Variants in ONECUT3 observed in about 807,000 individuals in gnomAD.
ONECUT3 encodes one cut homeobox 3.
A neutral mutation model predicts 16.8 loss-of-function variants in ONECUT3; 11 were observed. The ratio of observed to expected loss-of-function variants is 0.66; its 90% CI spans 0.41 to 1.09. The LOEUF is 1.09. Among genes scored for constraint, ONECUT3 ranks in the 50% least tolerant of loss-of-function variants. The pLI is 0.00. For synonymous variants in ONECUT3, 344 were observed against 310.7 expected, an observed-to-expected ratio of 1.11 and a Z score of -1.13; for missense variants, 637 against 629.9, an observed-to-expected ratio of 1.01 and a Z score of -0.12.
chr19:1,761,973 C>G (rs1038634951), intron 1 of ONECUT3, among the ~76,000 whole-genome samples: 4 of 152,154 alleles, frequency 2.6e-5, no homozygotes, highest in African/African-American at 9.7e-5. Context: ...CTGGCACAGG[C>G]TGCTGGAGAG....
chr19:1,765,302 G>A lies in ONECUT3; in HGVS notation c.1193-9851G>A, dbSNP rs564121673. On this transcript the variant is annotated intron_variant, in intron 1 of 1. Transcript: ENST00000382349. ...CCGTGCCGCCCCCAGCACTGCTGGC[G>A]TCCACTGGGATTCAGGGACCTTCCC... Among the ~76,000 whole-genome samples the A allele has an allele frequency of 3.5e-4, 53 of 152,222 alleles. 1 individual carries two copies. The highest frequency in any genetic ancestry group is 1.9e-4 in the East Asian group (1 of 5,172).
In ONECUT3 at chr19:1,755,300, G is replaced by A. The variant is rs1455268953; in HGVS notation, c.1192+446G>A. On this transcript the variant is annotated intron_variant, in intron 1 of 1. Transcript: ENST00000382349. This position sits in a 1 kb window ranked among gnomAD's most constrained non-coding sequence, Gnocchi z 7.5. ...CCTCCTCCAGAGTGGGTGGAGAGGG[G>A]CTGTTGAGCCCCCAGCCCCGGGCCA... Among the ~76,000 whole-genome samples, 3 of 152,230 alleles carry A rather than the reference G, an allele frequency of 2.0e-5. No homozygotes were observed. Among genetic ancestry groups the A allele is most frequent in the African/African-American group, 7.2e-5 (3 of 41,554 alleles).
At chr19:1,770,844 A>G (rs2068048190) in intron 1 of ONECUT3, among the ~76,000 whole-genome samples, 1 of 152,210 alleles carries the variant, frequency 6.6e-6, no homozygotes. Context: ...CCTTTCACAC[A>G]TAAAAGGCTC....
intron 1 of ONECUT3, 59 bp from the exon 2 acceptor site, chr19:1,775,094 G>A: frequency 8.3e-7 from 1 of 1,207,362 alleles, no homozygotes; most frequent in Non-Finnish European, 1.1e-6. Flanking sequence ...GCCTCTCCCC[G>A]GCCGGCCACA....
chr19:1,760,231 G>A (rs1192202469), intron 1 of ONECUT3, among the ~76,000 whole-genome samples: 1 of 152,252 alleles, frequency 6.6e-6, no homozygotes, highest in African/African-American at 2.4e-5. Context: ...CCGCTAGGAG[G>A]GGCCGTAACA....
rs1368423760 is a variant in ONECUT3, at chr19:1,754,032, T to C, written c.370T>C (p.Phe124Leu). 37 of 990,742 alleles carry C rather than the reference T, an allele frequency of 3.7e-5. No individual in the cohort carries two copies. Among genetic ancestry groups the C allele is most frequent in the Non-Finnish European group, 4.2e-5 (35 of 835,384 alleles). 61.4% of individuals were successfully genotyped at this position (990,742 alleles called of 1,614,324 possible). ...LPPLAAVADKFHQHAAAAAVA... is the reference protein window; with the variant it reads ...LPPLAAVADKLHQHAAAAAVA... ...GCCGCTCGCGGCCGTGGCCGACAAGTTCCACCAGCACGCGGCGGCCGCGGC... is the reference window on the plus strand; with the variant it reads ...GCCGCTCGCGGCCGTGGCCGACAAGCTCCACCAGCACGCGGCGGCCGCGGC... Residue 124 changes from phenylalanine (F) to leucine (L), a missense_variant, in exon 1 of 2, where the codon TTC (phenylalanine) becomes CTC (leucine). Transcript: ENST00000382349. The surrounding 1 kb of genome is among the most constrained non-coding windows in gnomAD (Gnocchi z 7.4).
intron 1 of ONECUT3, among the ~76,000 whole-genome samples, chr19:1,765,417 G>T (rs11883122): frequency 0.022 from 3,293 of 152,318 alleles, 131 homozygotes; most frequent in African/African-American, 0.074. Context: ...AGAGAGCCCA[G>T]TGGAGCCCGC....
rs1205036709 is a variant in ONECUT3 at position 1,766,321 on chromosome 19, G to A, written c.1193-8832G>A. Among the ~76,000 whole-genome samples, 2 of 152,198 alleles carry A rather than the reference G, an allele frequency of 1.3e-5. No homozygotes were observed. The highest frequency in any genetic ancestry group is 2.9e-5 in the Non-Finnish European group (2 of 68,040). On this transcript the variant is annotated intron_variant, in intron 1 of 1. Transcript: ENST00000382349. This position sits in a 1 kb window ranked among gnomAD's most constrained non-coding sequence, Gnocchi z 4.0. The stretch of plus-strand genomic sequence containing the variant: ...CTCAGCCCGCACGCGGCCAACGTCA[G>A]GCGCGCGCAGAGGCACCCACGGGCC...
In ONECUT3 at chr19:1,762,508, C is replaced by T. The variant is rs1352794570; in HGVS notation, c.1192+7654C>T. On this transcript the variant is annotated intron_variant, in intron 1 of 1. Transcript: ENST00000382349. The surrounding 1 kb of genome is among the most constrained non-coding windows in gnomAD (Gnocchi z 4.4). ...CCAGCAAACGCCGTCCCGCAGCACCCGGGAAGCTGCGGAGTCGGGCTGGGG... is the reference window on the plus strand; with the variant it reads ...CCAGCAAACGCCGTCCCGCAGCACCTGGGAAGCTGCGGAGTCGGGCTGGGG... Among the ~76,000 whole-genome samples the T allele has an allele frequency of 1.3e-5, 2 of 152,254 alleles. No individual in the cohort carries two copies. The highest frequency in any genetic ancestry group is 2.9e-5 in the Non-Finnish European group (2 of 68,036).
chr19:1,758,314 AAAGAGAGAGAG>A lies in ONECUT3; in HGVS notation c.1192+3462_1192+3472del, dbSNP rs1442596800. Among the ~76,000 whole-genome samples, 7 of 124,454 alleles carry A rather than the reference AAAGAGAGAGAG, an allele frequency of 5.6e-5. No homozygotes were observed. The highest frequency in any genetic ancestry group is 2.4e-4 in the East Asian group (1 of 4,086). The allele number at this position is 124,454 out of a possible 152,430, so 81.6% of individuals were successfully genotyped here. The stretch of plus-strand genomic sequence containing the variant: ...GGCAGAGAGACCAAAAAAAAAAAAA[AAAGAGAGAGAG>A]AGAGAGAGAGACAGAGATGGGAGAG... On this transcript the variant is annotated intron_variant, in intron 1 of 1. Transcript: ENST00000382349. This position sits in a 1 kb window ranked among gnomAD's most constrained non-coding sequence, Gnocchi z 5.9.
Position 1,753,830 on chromosome 19 carries a change from C to T in ONECUT3, c.168C>T (p.Gly56=), listed in dbSNP as rs1046269092. The change falls in exon 1 of 2, where the codon GGC becomes GGT. Residue 56 remains glycine (G), a synonymous_variant. Coordinates refer to ENST00000382349, the MANE Select transcript of ONECUT3 (RefSeq NM_001080488.2). ...LVAGMASLLD[G]GGGGGGGGAG... is the part of the protein sequence containing the mutation. The stretch of plus-strand genomic sequence containing the variant: ...CCGGCATGGCGAGCCTGCTGGACGG[C>T]GGCGGCGGCGGCGGCGGTGGGGGCG... 2.1e-3 allele frequency: 2,041 copies of T among 961,574 alleles called. 28 individuals are homozygous for T. In the African/African-American group the frequency reaches 0.034, roughly 16 times the overall value. 59.6% of individuals were successfully genotyped at this position (961,574 alleles called of 1,614,324 possible). A position where few individuals can be genotyped will look rare whatever the true frequency, so the allele number is the denominator to read the frequency against.
chr19:1,763,238 C>T (rs973043767), intron 1 of ONECUT3, among the ~76,000 whole-genome samples: 1 of 151,696 alleles, frequency 6.6e-6, no homozygotes, highest in East Asian at 1.9e-4. Flanking sequence ...GTGGCACATG[C>T]CTGCAATCCC....
rs2068149527 is a variant in ONECUT3, at chr19:1,780,651, G to A, written c.*5206G>A. 1 of 152,278 alleles carries A rather than the reference G, an allele frequency of 6.6e-6. No individual in the cohort carries two copies. 9.4% of individuals were successfully genotyped at this position (152,278 alleles called of 1,614,324 possible). On this transcript the variant is annotated 3_prime_UTR_variant, in exon 2 of 2. Coordinates refer to ENST00000382349, the MANE Select transcript of ONECUT3 (RefSeq NM_001080488.2). Reference sequence around the variant, plus strand: ...AAATCTGAAATGATGCCGGGGCCAGGATGCTCCTTGCACCAGCAGGAGCTT... The same window carrying A: ...AAATCTGAAATGATGCCGGGGCCAGAATGCTCCTTGCACCAGCAGGAGCTT...
Position 1,764,801 on chromosome 19 carries a change from G to C in ONECUT3, c.1192+9947G>C, listed in dbSNP as rs191464936. ...TGACTCGAGTCTGGAGAGGCCACGG[G>C]GGGGGGATGCGCAGGGGGGACAAGA... On this transcript the variant is annotated intron_variant, in intron 1 of 1. Coordinates refer to ENST00000382349, the MANE Select transcript of ONECUT3 (RefSeq NM_001080488.2). This position sits in a 1 kb window ranked among gnomAD's most constrained non-coding sequence, Gnocchi z 5.0. 8.7e-5 allele frequency among the ~76,000 whole-genome samples: 13 copies of C among 149,840 alleles called. No homozygotes were observed. The highest frequency in any genetic ancestry group is 1.5e-4 in the Non-Finnish European group (10 of 67,316).
At chr19:1,769,021 A>ACG (rs2068026313) in intron 1 of ONECUT3, among the ~76,000 whole-genome samples, 2 of 11,656 alleles carry the variant, frequency 1.7e-4, no homozygotes, top group African/African-American at 9.9e-4. Context: ...TGGAGGTGGA[A>ACG]GTGGAGGTGG....
At position 1,766,179 on chromosome 19, in the gene ONECUT3, GCCAC is replaced by G. The variant is rs1371667337; in HGVS notation, c.1193-8961_1193-8958del. 6.6e-6 allele frequency among the ~76,000 whole-genome samples: 1 copy of G among 152,206 alleles called. No homozygotes were observed. Among genetic ancestry groups the G allele is most frequent in the Admixed American group, 6.5e-5 (1 of 15,278 alleles). ...ATCGTGGTTGAGCGCCCGTGCAGGC[GCCAC>G]CCACCCACCCACAGCACCTCGCTCA... On this transcript the variant is annotated intron_variant, in intron 1 of 1. Coordinates refer to ENST00000382349, the MANE Select transcript of ONECUT3 (RefSeq NM_001080488.2). The surrounding 1 kb of genome is among the most constrained non-coding windows in gnomAD (Gnocchi z 4.0).
rs1765116403 is a variant in ONECUT3 at position 1,779,420 on chromosome 19, A to C, written c.*3975A>C. 6.6e-6 allele frequency: 1 copy of C among 150,612 alleles called. No individual in the cohort carries two copies. Among genetic ancestry groups the C allele is most frequent in the African/African-American group, 2.4e-5 (1 of 41,138 alleles). 9.3% of individuals were successfully genotyped at this position (150,612 alleles called of 1,614,324 possible). On this transcript the variant is annotated 3_prime_UTR_variant, in exon 2 of 2. Coordinates refer to ENST00000382349, the MANE Select transcript of ONECUT3 (RefSeq NM_001080488.2). ...AAGAGAGAGAGAGAGCGAGCGCAAG[A>C]GAGAGAGAGAGGGAGAGAGAGGGAG...
At chr19:1,756,182 C>G (rs1765437971) in intron 1 of ONECUT3, among the ~76,000 whole-genome samples, 1 of 152,126 alleles carries the variant, frequency 6.6e-6, no homozygotes, top group African/African-American at 2.4e-5. Flanking sequence ...TTCCCTCCCT[C>G]CACCCCAGGA....
chr19:1,769,601 T>G, intron 1 of ONECUT3, among the ~76,000 whole-genome samples: 2 of 139,182 alleles, frequency 1.4e-5, no homozygotes, highest in African/African-American at 2.7e-5. Flanking sequence ...AACCTGATGT[T>G]GGGTGGGGTG....
Sources: allele counts gnomAD v4.1 joint callset (sites outside exome capture counted in the v4.1 genomes callset), GRCh38; gene constraint gnomAD v4.1.1; non-coding constraint Gnocchi (gnomAD v3.1); transcripts MANE v1.5; gene names NCBI Gene and HGNC (gene_info 2026-07-23, HGNC 2026-07-21).